The following LRRC69 variants were observed in gnomAD, a reference collection of about 807,000 sequenced individuals.
The protein encoded by LRRC69 is leucine-rich repeat-containing protein 69.
Under a neutral mutation model 37.8 loss-of-function variants are expected in LRRC69, and 42 were observed. The ratio of observed to expected loss-of-function variants is 1.11; its 90% CI spans 0.87 to 1.44. LRRC69 has a LOEUF of 1.44. Ranked by LOEUF, LRRC69 falls within the 40% of genes most tolerant of loss-of-function variation. The pLI, the probability that LRRC69 is intolerant of heterozygous loss-of-function variation, is 0.00. For synonymous variants in LRRC69, 141 were observed against 143.1 expected (o/e 0.99, Z 0.11); for missense variants, 357 against 401.9 (o/e 0.89, Z 0.96).
chr8:91,156,861 G>A (rs192394011), intron 5 of LRRC69, among the ~76,000 whole-genome samples: 2 of 150,972 alleles, frequency 1.3e-5, no homozygotes, highest in Non-Finnish European at 3.0e-5. Context: ...TCCCAGCACC[G>A]TTTTTTGAAG....
chr8:91,201,819 A>C (rs1809715604), intron 7 of LRRC69, among the ~76,000 whole-genome samples: 1 of 152,228 alleles, frequency 6.6e-6, no homozygotes. Flanking sequence ...ACACAAATGT[A>C]ACATAAATTG....
At chr8:91,161,944 G>T (rs1181578183) in intron 5 of LRRC69, among the ~76,000 whole-genome samples, 1 of 151,180 alleles carries the variant, frequency 6.6e-6, no homozygotes, top group Admixed American at 6.6e-5. Context: ...ATAGGTTTTG[G>T]TATGCAGTGT....
chr8:91,190,502 G>C (rs532878258), intron 6 of LRRC69, among the ~76,000 whole-genome samples: 29 of 152,040 alleles, frequency 1.9e-4, no homozygotes, highest in African/African-American at 7.0e-4. Flanking sequence ...TATTCTTTTA[G>C]AACTTTTTAT....
intron 5 of LRRC69, among the ~76,000 whole-genome samples, chr8:91,150,139 G>C (rs1808705154): frequency 6.6e-6 from 1 of 152,008 alleles, no homozygotes; most frequent in Non-Finnish European, 1.5e-5. Flanking sequence ...GGAGTGGTGA[G>C]AGAGGGCATC....
intron 5 of LRRC69, among the ~76,000 whole-genome samples, chr8:91,151,989 T>TG (rs1808747586): frequency 6.6e-6 from 1 of 150,816 alleles, no homozygotes; most frequent in Non-Finnish European, 1.5e-5. Flanking sequence ...TTTTGATGTT[T>TG]ATTTTTCTTG....
intron 1 of LRRC69, among the ~76,000 whole-genome samples, chr8:91,113,920 A>T (rs1364476219): frequency 6.8e-6 from 1 of 146,754 alleles, no homozygotes; most frequent in Non-Finnish European, 1.5e-5. Flanking sequence ...TAGGAGGATC[A>T]TTTGAGACCA....
chr8:91,184,957 T>G (rs1394686813), intron 5 of LRRC69, among the ~76,000 whole-genome samples: 1 of 152,104 alleles, frequency 6.6e-6, no homozygotes, highest in Non-Finnish European at 1.5e-5. Context: ...CATTTCATTT[T>G]GAGTGAGATG....
intron 6 of LRRC69, among the ~76,000 whole-genome samples, chr8:91,191,041 A>AACCC (rs1809484739): frequency 8.7e-6 from 1 of 114,426 alleles, no homozygotes; most frequent in African/African-American, 3.1e-5. Context: ...CCTGTCTCAA[A>AACCC]CCCCCCCCCC....
chr8:91,127,245 C>T, intron 3 of LRRC69, 85 bp downstream of exon 3: 1 of 994,266 alleles, frequency 1.0e-6, no homozygotes, highest in East Asian at 2.7e-5. Context: ...TTATGCCTAG[C>T]ATAAGTCCCT....
At chr8:91,143,806 G>A (rs1808571051) in intron 5 of LRRC69, among the ~76,000 whole-genome samples, 1 of 151,900 alleles carries the variant, frequency 6.6e-6, no homozygotes, top group Admixed American at 6.6e-5. Context: ...AAAAATGGAA[G>A]CAACTTTCCC....
In LRRC69 at chr8:91,195,979, G is replaced by A. The variant is rs1809592095; in HGVS notation, c.754-4634G>A. On this transcript the variant is annotated intron_variant, in intron 6 of 7. Transcript: ENST00000448384. ...TTTTGGCATGATTTTGCAGCGGCTGGTACCAGTTGTTCCTTTCCATGTTTA... is the reference window on the plus strand; with the variant it reads ...TTTTGGCATGATTTTGCAGCGGCTGATACCAGTTGTTCCTTTCCATGTTTA... Among the ~76,000 whole-genome samples, 4 of 152,186 alleles carry A rather than the reference G, an allele frequency of 2.6e-5. No individual in the cohort carries two copies. In the South Asian group the frequency reaches 6.2e-4, roughly 24 times the overall value.
chr8:91,209,290 A>C (rs1286918441), intron 7 of LRRC69, among the ~76,000 whole-genome samples: 1 of 152,008 alleles, frequency 6.6e-6, no homozygotes, highest in East Asian at 1.9e-4. Flanking sequence ...TTAGCCAGAC[A>C]TGGTGGTGGG....
At chr8:91,212,066 G>A (rs1265241150) in intron 7 of LRRC69, among the ~76,000 whole-genome samples, 2 of 151,964 alleles carry the variant, frequency 1.3e-5, no homozygotes, top group Non-Finnish European at 2.9e-5. Context: ...CTATAGTTCT[G>A]CCATCAAAGT....
At position 91,168,999 on chromosome 8, in the gene LRRC69, C is replaced by T. The variant is rs374696944; in HGVS notation, c.652-20523C>T. Among the ~76,000 whole-genome samples the T allele has an allele frequency of 9.7e-4, 147 of 151,964 alleles. 1 individual carries two copies. The highest frequency in any genetic ancestry group is 3.4e-3 in the African/African-American group (143 of 41,536). ...ACTGAATTTAAAATCTTGGGACTAA[C>T]GTTAATAGCTGTCAGTTGACACTTC... On this transcript the variant is annotated intron_variant, in intron 5 of 7. Coordinates refer to ENST00000448384, the Ensembl canonical transcript of LRRC69.
chr8:91,153,367 T>C (rs2130550913), intron 5 of LRRC69, among the ~76,000 whole-genome samples: 1 of 151,344 alleles, frequency 6.6e-6, no homozygotes, highest in South Asian at 2.1e-4. Flanking sequence ...GTGGACCTGA[T>C]AGATATCTAC....
chr8:91,154,164 G>A (rs1188810140), intron 5 of LRRC69, among the ~76,000 whole-genome samples: 2 of 151,486 alleles, frequency 1.3e-5, no homozygotes, highest in East Asian at 3.9e-4. Context: ...GACTAAACCA[G>A]GAAGAAGTCA....
Position 91,125,543 on chromosome 8 carries a change from A to T in LRRC69, c.310+924A>T, listed in dbSNP as rs147860055. Reference sequence around the variant, plus strand: ...GAACACCTTATATATGCAAAGCCACAGACCAGAGTTCAGTTACAATTTACC... The same window carrying T: ...GAACACCTTATATATGCAAAGCCACTGACCAGAGTTCAGTTACAATTTACC... On this transcript the variant is annotated intron_variant, in intron 2 of 7. Transcript: ENST00000448384. 9.9e-3 allele frequency among the ~76,000 whole-genome samples: 1,501 copies of T among 152,022 alleles called. 32 individuals are homozygous for T. Among genetic ancestry groups the T allele is most frequent in the African/African-American group, 0.034 (1,422 of 41,572 alleles).
intron 6 of LRRC69, among the ~76,000 whole-genome samples, chr8:91,194,179 G>T (rs1251919725): frequency 1.4e-4 from 19 of 135,472 alleles, no homozygotes; most frequent in African/African-American, 5.5e-4. Context: ...AACCAGCCTT[G>T]CATCCCAGGG....
At chr8:91,207,810 T>G (rs1305286077) in intron 7 of LRRC69, among the ~76,000 whole-genome samples, 1 of 152,220 alleles carries the variant, frequency 6.6e-6, no homozygotes, top group Non-Finnish European at 1.5e-5. Flanking sequence ...ATGTGAAGTT[T>G]GAGCTTAATT....
Sources: allele counts gnomAD v4.1 joint callset (sites outside exome capture counted in the v4.1 genomes callset), GRCh38; gene constraint gnomAD v4.1.1; transcripts MANE v1.5; gene names NCBI Gene and HGNC (gene_info 2026-07-23, HGNC 2026-07-21).